Variants in SLC61A1 observed in about 807,000 individuals in gnomAD.
SLC61A1 encodes the protein major facilitator superfamily domain containing 5.
the SLC61A1 span, chr12:53,253,739 G>A: frequency 1.1e-5 from 18 of 1,613,790 alleles, no homozygotes; most frequent in African/African-American, 2.7e-5. Flanking sequence ...GTACCGTATC[G>A]CCACCTCCAA....
the SLC61A1 span, chr12:53,253,322 C>A: frequency 6.2e-7 from 1 of 1,614,262 alleles, no homozygotes; most frequent in Non-Finnish European, 8.5e-7. Flanking sequence ...GCATGACTTC[C>A]CTGCTGAGTG....
the SLC61A1 span, chr12:53,251,502 G>T: frequency 9.3e-6 from 5 of 535,286 alleles, no homozygotes; most frequent in Non-Finnish European, 1.6e-5. Context: ...CTCCAAGGCT[G>T]AAGTTCTTAA....
At chr12:53,252,015 C>A in the SLC61A1 span, 5 of 1,300,692 alleles carry the variant, frequency 3.8e-6, no homozygotes, top group East Asian at 4.9e-5. Flanking sequence ...CCACCCCAGG[C>A]GTCAGGAGTT....
At chr12:53,252,052 G>A in the SLC61A1 span, 1 of 1,469,828 alleles carries the variant, frequency 6.8e-7, no homozygotes, top group South Asian at 1.3e-5. Context: ...GAAGGAGGGC[G>A]GGCGGGCGGG....
chr12:53,254,048 A>G, the SLC61A1 span: 2 of 1,613,968 alleles, frequency 1.2e-6, no homozygotes, highest in Non-Finnish European at 1.7e-6. Context: ...AAAAACAGGC[A>G]CTCGGAATAT....
At chr12:53,251,894 G>C in the SLC61A1 span, 1 of 1,537,266 alleles carries the variant, frequency 6.5e-7, no homozygotes, top group Non-Finnish European at 8.7e-7. Flanking sequence ...CTTATTTCAG[G>C]GTGGCCCCTC....
the SLC61A1 span, chr12:53,254,397 T>C: frequency 5.2e-6 from 3 of 581,208 alleles, no homozygotes; most frequent in South Asian, 5.2e-5. Flanking sequence ...TAAACACTTT[T>C]AAATGATCAT....
chr12:53,252,741 G>A, the SLC61A1 span: 15 of 1,492,764 alleles, frequency 1.0e-5, no homozygotes, highest in South Asian at 1.8e-4. Flanking sequence ...GGGTGGAGCT[G>A]CCATCTGCTT....
At chr12:53,253,413 C>T in the SLC61A1 span, 1 of 1,614,118 alleles carries the variant, frequency 6.2e-7, no homozygotes, top group Non-Finnish European at 8.5e-7. Context: ...GAGGCTGTAG[C>T]CAGCTGGATA....
chr12:53,254,000 G>A, the SLC61A1 span: 5 of 1,614,176 alleles, frequency 3.1e-6, no homozygotes, highest in Non-Finnish European at 4.2e-6. Flanking sequence ...GCACTCACTG[G>A]CTTGCCTAGG....
the SLC61A1 span, chr12:53,252,390 A>C: frequency 7.7e-7 from 1 of 1,306,060 alleles, no homozygotes; most frequent in Non-Finnish European, 9.7e-7. Flanking sequence ...CATGACCCTG[A>C]AGCAACTCGA....
the SLC61A1 span, chr12:53,252,329 G>T: frequency 7.3e-7 from 1 of 1,361,598 alleles, no homozygotes; most frequent in Non-Finnish European, 9.4e-7. Context: ...GGGCTAGGGG[G>T]CGCAGTGGGG....
At chr12:53,253,366 G>C in the SLC61A1 span, 1 of 1,614,246 alleles carries the variant, frequency 6.2e-7, no homozygotes, top group Non-Finnish European at 8.5e-7. Context: ...CTGCCTTCTG[G>C]AACCATGTGC....
At chr12:53,251,430 A>C in the SLC61A1 span, 1 of 376,356 alleles carries the variant, frequency 2.7e-6, no homozygotes, top group African/African-American at 2.0e-5. Flanking sequence ...GAAGCTGTAG[A>C]GAGGTTAAAT....
the SLC61A1 span, chr12:53,254,020 C>T: frequency 2.5e-6 from 4 of 1,614,078 alleles, no homozygotes; most frequent in African/African-American, 1.3e-5. Context: ...GGCTCCTTGT[C>T]CTCCATGACA....
At chr12:53,251,983 C>T in the SLC61A1 span, 1 of 1,536,334 alleles carries the variant, frequency 6.5e-7, no homozygotes, top group African/African-American at 1.4e-5. Context: ...ACCGCAGCCT[C>T]CTATGGTCGC....
chr12:53,253,353 G>C, the SLC61A1 span: 1 of 1,614,246 alleles, frequency 6.2e-7, no homozygotes, highest in South Asian at 1.1e-5. Flanking sequence ...ACCTTTGCTC[G>C]AGCTGCCTTC....
At chr12:53,254,385 A>C in the SLC61A1 span, 5 of 598,246 alleles carry the variant, frequency 8.4e-6, no homozygotes, top group Non-Finnish European at 1.5e-5. Context: ...CCATTTAGAA[A>C]ATAAACACTT....
the SLC61A1 span, chr12:53,251,984 C>T: frequency 1.4e-6 from 2 of 1,408,518 alleles, no homozygotes. Flanking sequence ...CCGCAGCCTC[C>T]TATGGTCGCC....
Sources: gnomAD v4.1 joint callset for allele counts on GRCh38, gnomAD v4.1.1 for gene constraint, MANE v1.5 for transcripts, NCBI Gene and HGNC (gene_info 2026-07-23, HGNC 2026-07-21) for gene names.